The following TBC1D22A variants were observed in gnomAD, a reference collection of about 807,000 sequenced individuals.
TBC1D22A encodes the protein TBC1 domain family member 22A, also known as putative GTPase activator.
In TBC1D22A, 38 loss-of-function variants were observed where a neutral mutation model predicts 60.2. The observed-to-expected ratio is 0.63, with a 90% CI of 0.49 to 0.83. The LOEUF is 0.83. Among genes scored for constraint, TBC1D22A ranks in the 40% least tolerant of loss-of-function variants. The pLI, the probability that TBC1D22A is intolerant of heterozygous loss-of-function variation, is 0.00. For synonymous variants in TBC1D22A, 302 were observed against 281.7 expected (o/e 1.07, Z -0.72); for missense variants, 628 against 701.0 (o/e 0.90, Z 1.18).
intron 4 of TBC1D22A, among the ~76,000 whole-genome samples, chr22:46,817,874 G>T (rs1402255941): frequency 6.6e-6 from 1 of 152,134 alleles, no homozygotes; most frequent in Non-Finnish European, 1.5e-5. Flanking sequence ...ATTCCCACCA[G>T]CAGTGTAAAA....
In TBC1D22A at chr22:47,161,300, G is replaced by T. The variant is rs895199316; in HGVS notation, c.1426-12198G>T. Among the ~76,000 whole-genome samples, 12 of 151,866 alleles carry T rather than the reference G, an allele frequency of 7.9e-5. No homozygotes were observed. The East Asian group carries it at 2.3e-3, about 29-fold the overall frequency. ...CCCAGGCTGGCGACTGTCGGGGGCG[G>T]TCCATCTCCTGCCCACCCTGCTGCC... On this transcript the variant is annotated intron_variant, in intron 12 of 12. Transcript: ENST00000337137.
At chr22:47,166,973 G>A (rs566314709) in intron 12 of TBC1D22A, among the ~76,000 whole-genome samples, 6 of 152,304 alleles carry the variant, frequency 3.9e-5, no homozygotes, top group South Asian at 2.1e-4. Context: ...CTGCCCAGCC[G>A]GACAAGGAGG....
chr22:47,076,379 A>ATATGTGTG (rs2064225044), intron 11 of TBC1D22A, among the ~76,000 whole-genome samples: 1 of 105,628 alleles, frequency 9.5e-6, no homozygotes, highest in Non-Finnish European at 1.8e-5. Context: ...ATATATATAT[A>ATATGTGTG]TACACACACA....
chr22:46,833,009 A>T (rs1430295161), intron 4 of TBC1D22A, among the ~76,000 whole-genome samples: 1 of 152,230 alleles, frequency 6.6e-6, no homozygotes, highest in African/African-American at 2.4e-5. Context: ...AGCACAAAGC[A>T]TGTATGCATT....
chr22:46,888,477 G>A (rs1008634789), intron 5 of TBC1D22A, among the ~76,000 whole-genome samples: 3 of 90,206 alleles, frequency 3.3e-5, no homozygotes, highest in African/African-American at 9.4e-5. Flanking sequence ...CCCAGTGAAA[G>A]CTTGTTGTGC....
chr22:47,038,294 G>T (rs1475685289), intron 11 of TBC1D22A, among the ~76,000 whole-genome samples: 1 of 152,186 alleles, frequency 6.6e-6, no homozygotes, highest in Admixed American at 6.5e-5. Flanking sequence ...TTCAGGATTT[G>T]CAGGGGGGCA....
intron 1 of TBC1D22A, among the ~76,000 whole-genome samples, chr22:46,790,287 G>A (rs926780224): frequency 8.5e-5 from 13 of 152,278 alleles, no homozygotes; most frequent in African/African-American, 2.6e-4. Flanking sequence ...GTGACCTTCC[G>A]CGGTCTCTTC....
At chr22:46,793,259 C>T (rs2084501074) in intron 2 of TBC1D22A, among the ~76,000 whole-genome samples, 1 of 152,232 alleles carries the variant, frequency 6.6e-6, no homozygotes, top group East Asian at 1.9e-4. Context: ...CACCATGTGG[C>T]CCTGCGCCTC....
intron 5 of TBC1D22A, among the ~76,000 whole-genome samples, chr22:46,888,080 G>A: frequency 6.6e-6 from 1 of 152,196 alleles, no homozygotes; most frequent in Non-Finnish European, 1.5e-5. Flanking sequence ...CCCATCAGAG[G>A]GTGGCCGCCG....
intron 10 of TBC1D22A, among the ~76,000 whole-genome samples, chr22:47,003,811 TACGCACAC>T (rs2061485248): frequency 4.1e-5 from 3 of 73,318 alleles, no homozygotes; most frequent in East Asian, 5.1e-4. Context: ...GTACACACCC[TACGCACAC>T]ATGCCTGTAC....
intron 1 of TBC1D22A, chr22:46,763,640 GA>G (rs1187651467): frequency 6.6e-6 from 1 of 152,112 alleles, no homozygotes; most frequent in Non-Finnish European, 1.5e-5. Flanking sequence ...TTCCAAAGCT[GA>G]AGTCTGGAAT....
chr22:46,867,540 T>G (rs566070010), intron 4 of TBC1D22A, among the ~76,000 whole-genome samples: 3 of 152,210 alleles, frequency 2.0e-5, no homozygotes, highest in Non-Finnish European at 2.9e-5. Context: ...TTGTTAACCA[T>G]TGGAAGAAGT....
At chr22:46,988,025 C>G (rs989468387) in intron 9 of TBC1D22A, among the ~76,000 whole-genome samples, 5 of 152,002 alleles carry the variant, frequency 3.3e-5, no homozygotes, top group African/African-American at 1.2e-4. Context: ...TCAGGAATAG[C>G]TTCTGTCTCA....
chr22:46,941,721 C>T lies in TBC1D22A; in HGVS notation c.1015+29533C>T, dbSNP rs527605052. ...ATTATATATGCGGAATATATATACG[C>T]GGAATGTATATACGGAATATATATA... On this transcript the variant is annotated intron_variant, in intron 8 of 12. Coordinates refer to ENST00000337137, the MANE Select transcript of TBC1D22A (RefSeq NM_014346.5). Among the ~76,000 whole-genome samples, 48 of 111,488 alleles carry T rather than the reference C, an allele frequency of 4.3e-4. 4 individuals are homozygous for T. Among genetic ancestry groups the T allele is most frequent in the East Asian group, 2.3e-3 (11 of 4,762 alleles). The allele number at this position is 111,488 out of a possible 152,430, so 73.1% of individuals were successfully genotyped here.
At chr22:47,018,807 G>C (rs971290032) in intron 10 of TBC1D22A, among the ~76,000 whole-genome samples, 3 of 152,156 alleles carry the variant, frequency 2.0e-5, no homozygotes, top group Non-Finnish European at 4.4e-5. Flanking sequence ...TGGGATCCTG[G>C]GTGGGACGAG....
At chr22:47,126,895 C>G (rs925015527) in intron 12 of TBC1D22A, among the ~76,000 whole-genome samples, 2 of 152,218 alleles carry the variant, frequency 1.3e-5, no homozygotes, top group Admixed American at 1.3e-4. Context: ...ATGGCAGCGT[C>G]TGGCTCACTG....
intron 11 of TBC1D22A, among the ~76,000 whole-genome samples, chr22:47,071,456 T>C (rs8142911): frequency 0.19 from 28,170 of 152,212 alleles, 3,211 homozygotes; most frequent in African/African-American, 0.32. Flanking sequence ...CCCAGCCACC[T>C]GAGCCACTGA....
chr22:47,030,984 A>C (rs760952983), intron 10 of TBC1D22A, among the ~76,000 whole-genome samples: 2 of 152,156 alleles, frequency 1.3e-5, no homozygotes, highest in Admixed American at 6.5e-5. Flanking sequence ...GAGTCGTGCT[A>C]AGTGACCACT....
At chr22:46,825,970 T>C (rs1036492364) in intron 4 of TBC1D22A, among the ~76,000 whole-genome samples, 7 of 149,260 alleles carry the variant, frequency 4.7e-5, no homozygotes, top group Admixed American at 2.7e-4. Flanking sequence ...GCAAGCTCCA[T>C]CTCCCGGGTT....
Sources: gnomAD v4.1 joint callset for allele counts (sites outside exome capture counted in the v4.1 genomes callset) on GRCh38, gnomAD v4.1.1 for gene constraint, MANE v1.5 for transcripts, NCBI Gene and HGNC (gene_info 2026-07-23, HGNC 2026-07-21) for gene names.